The following FOXP2 variants were observed in gnomAD, a reference collection of about 807,000 sequenced individuals.
FOXP2 encodes the protein forkhead box protein P2.
A neutral mutation model predicts 115.8 loss-of-function variants in FOXP2; 12 were observed. The observed-to-expected ratio is 0.10, with a 90% CI of 0.07 to 0.17. The LOEUF (loss-of-function observed/expected upper bound fraction) is 0.17, where lower values mean the gene tolerates loss of function less well. Ranked by LOEUF, FOXP2 falls within the 10% of genes least tolerant of loss-of-function variation. FOXP2 has a pLI of 1.00. For synonymous variants in FOXP2, 328 were observed against 297.7 expected, an observed-to-expected ratio of 1.10 and a Z score of -1.05; for missense variants, 629 against 843.5, an observed-to-expected ratio of 0.75 and a Z score of 3.15.
intron 2 of FOXP2, among the ~76,000 whole-genome samples, chr7:114,296,791 G>T (rs1469786558): frequency 1.3e-5 from 2 of 152,116 alleles, no homozygotes; most frequent in Non-Finnish European, 2.9e-5. Context: ...AACATTTATA[G>T]AGGACAGATC....
intron 6 of FOXP2, among the ~76,000 whole-genome samples, chr7:114,637,770 G>A (rs957874603): frequency 2.0e-5 from 3 of 152,130 alleles, no homozygotes; most frequent in African/African-American, 7.2e-5. Context: ...CCCTCAGAAG[G>A]AGTCCTGAGA....
At chr7:114,352,785 C>G (rs1278825313) in intron 2 of FOXP2, among the ~76,000 whole-genome samples, 1 of 151,754 alleles carries the variant, frequency 6.6e-6, no homozygotes, top group Non-Finnish European at 1.5e-5. Flanking sequence ...GTTAGGACTT[C>G]AACTATAATT....
intron 2 of FOXP2, among the ~76,000 whole-genome samples, chr7:114,481,762 C>CTCTATCTATCTATCTATCTA (rs3028214): frequency 4.8e-5 from 7 of 145,272 alleles, no homozygotes; most frequent in South Asian, 2.2e-4. Flanking sequence ...CATATGGAAA[C>CTCTATCTATCTATCTATCTA]TCTATCTATC....
At chr7:114,159,505 A>AAC (rs1352153572), upstream of FOXP2, among the ~76,000 whole-genome samples, 7 of 151,856 alleles carry the variant, frequency 4.6e-5, 1 homozygote, top group South Asian at 1.5e-3. Context: ...TGAAAAAGAA[A>AAC]AAAACAGTAA....
At chr7:114,255,231 G>A (rs1040666405) in intron 1 of FOXP2, among the ~76,000 whole-genome samples, 6 of 152,294 alleles carry the variant, frequency 3.9e-5, no homozygotes, top group East Asian at 1.9e-4. Context: ...TAGGCTAGTC[G>A]GGGGTCAGGG....
At chr7:114,203,157 A>G (rs1013206851) in intron 1 of FOXP2, among the ~76,000 whole-genome samples, 1 of 152,164 alleles carries the variant, frequency 6.6e-6, no homozygotes, top group African/African-American at 2.4e-5. Flanking sequence ...AGTTTTCTTA[A>G]TTATTTTTGT....
intron 1 of FOXP2, among the ~76,000 whole-genome samples, chr7:114,259,340 A>G (rs575785020): frequency 6.6e-6 from 1 of 152,360 alleles, no homozygotes; most frequent in Admixed American, 6.5e-5. Context: ...TTAAAAAATT[A>G]TGGGCCAATT....
intron 2 of FOXP2, among the ~76,000 whole-genome samples, chr7:114,366,326 T>A (rs972393762): frequency 6.6e-6 from 1 of 152,196 alleles, no homozygotes; most frequent in Non-Finnish European, 1.5e-5. Context: ...TGGGTACAAA[T>A]GTTATTTTCC....
chr7:114,645,444 T>C (rs898490531), intron 8 of FOXP2: 3 of 152,046 alleles, frequency 2.0e-5, no homozygotes, highest in Admixed American at 6.6e-5. Flanking sequence ...TAATTTTTAA[T>C]AGAAAATTTT....
At chr7:114,539,782 A>C (rs1274439569) in intron 3 of FOXP2, among the ~76,000 whole-genome samples, 1 of 152,016 alleles carries the variant, frequency 6.6e-6, no homozygotes, top group Non-Finnish European at 1.5e-5. Context: ...TGGGACATTG[A>C]GCTCATTACT....
chr7:114,504,760 G>A (rs531527857), intron 2 of FOXP2, among the ~76,000 whole-genome samples: 4 of 151,690 alleles, frequency 2.6e-5, no homozygotes, highest in African/African-American at 9.6e-5. Flanking sequence ...GATTTTTCAG[G>A]TTTCATCCAG....
intron 1 of FOXP2, among the ~76,000 whole-genome samples, chr7:114,178,103 T>C (rs1001638236): frequency 1.3e-5 from 2 of 151,946 alleles, no homozygotes; most frequent in African/African-American, 4.8e-5. Flanking sequence ...AACAGTATTA[T>C]GCAAAGCTTA....
chr7:114,221,049 TTATAA>T (rs1220123666), intron 1 of FOXP2, among the ~76,000 whole-genome samples: 14 of 152,270 alleles, frequency 9.2e-5, no homozygotes, highest in Non-Finnish European at 1.2e-4. Context: ...TTTATACACC[TTATAA>T]TATATTTTAC....
rs1321117043 is a variant in FOXP2, at chr7:114,352,724, A to T, written c.-11+64615A>T. On this transcript the variant is annotated intron_variant, in intron 2 of 17. Coordinates refer to the FOXP2 transcript ENST00000634411. ...TAATGACCTCATTTTAACTTAATTG[A>T]CCCTATAAACATCCTGTCCCTAAAT... 4.6e-5 allele frequency among the ~76,000 whole-genome samples: 7 copies of T among 151,846 alleles called. No homozygotes were observed. In the East Asian group the frequency reaches 1.2e-3, roughly 25 times the overall value.
At chr7:114,092,920 C>T (rs1799572710) in intron 1 of FOXP2, among the ~76,000 whole-genome samples, 1 of 152,018 alleles carries the variant, frequency 6.6e-6, no homozygotes, top group Admixed American at 6.6e-5. Flanking sequence ...ATAGTTTGTA[C>T]AGCCACTGCT....
At chr7:114,514,486 A>G (rs892211692) in intron 2 of FOXP2, among the ~76,000 whole-genome samples, 5 of 151,920 alleles carry the variant, frequency 3.3e-5, no homozygotes, top group African/African-American at 9.7e-5. Context: ...TTGGTTTCAC[A>G]TACAAGTAAC....
Position 114,240,025 on chromosome 7 carries a change from T to A in FOXP2, c.-101-47994T>A, listed in dbSNP as rs114852451. 6.5e-3 allele frequency among the ~76,000 whole-genome samples: 990 copies of A among 152,268 alleles called. 6 individuals are homozygous for A. Among genetic ancestry groups the A allele is most frequent in the African/African-American group, 0.023 (940 of 41,556 alleles). Reference sequence around the variant, plus strand: ...TGTGCACCTTCAAAGGAAGACCTAGTATGAGGAAATTTGCAGCATTTAGTT... The same window carrying A: ...TGTGCACCTTCAAAGGAAGACCTAGAATGAGGAAATTTGCAGCATTTAGTT... On this transcript the variant is annotated intron_variant, in intron 1 of 17. Transcript: ENST00000634411.
At chr7:114,625,638 G>A (rs1471263045) in intron 3 of FOXP2, among the ~76,000 whole-genome samples, 1 of 151,748 alleles carries the variant, frequency 6.6e-6, no homozygotes, top group Non-Finnish European at 1.5e-5. Context: ...AACGATGAGG[G>A]AGGAGAAGAG....
chr7:114,206,855 C>A (rs930831453), intron 1 of FOXP2, among the ~76,000 whole-genome samples: 32 of 152,124 alleles, frequency 2.1e-4, no homozygotes, highest in Non-Finnish European at 4.4e-4. Flanking sequence ...GTGTATGACT[C>A]AGTGTTATTT....
Sources: gnomAD v4.1 joint callset for allele counts (sites outside exome capture counted in the v4.1 genomes callset) on GRCh38, gnomAD v4.1.1 for gene constraint, MANE v1.5 for transcripts, NCBI Gene and HGNC (gene_info 2026-07-23, HGNC 2026-07-21) for gene names.